TAF4B: variants seen among roughly 807,000 people sequenced by gnomAD.
TAF4B encodes transcription initiation factor TFIID subunit 4B.
In TAF4B, 38 loss-of-function variants were observed where a neutral mutation model predicts 86.4. The observed-to-expected ratio is 0.44, with a 90% CI of 0.34 to 0.58. The LOEUF is 0.58. Among genes scored for constraint, TAF4B ranks in the 20% least tolerant of loss-of-function variants. TAF4B has a pLI of 0.02. For synonymous variants in TAF4B, 388 were observed against 391.2 expected (o/e 0.99, Z 0.10); for missense variants, 988 against 1,027.6 (o/e 0.96, Z 0.53).
chr18:26,310,410 A>G (rs535754507), intron 9 of TAF4B, among the ~76,000 whole-genome samples: 23 of 152,292 alleles, frequency 1.5e-4, no homozygotes, highest in Admixed American at 1.4e-3. Context: ...GTACTGCAGT[A>G]TGCTACGCTA....
intron 9 of TAF4B, among the ~76,000 whole-genome samples, chr18:26,313,888 G>A (rs893138673): frequency 1.3e-5 from 2 of 151,766 alleles, no homozygotes; most frequent in East Asian, 1.9e-4. Context: ...GGCTGATCTC[G>A]AACTCCTCAC....
rs189134868 is a variant in TAF4B at position 26,336,081 on chromosome 18, C to T, written c.2316+850C>T. Among the ~76,000 whole-genome samples, 305 of 152,018 alleles carry T rather than the reference C, an allele frequency of 2.0e-3. 2 individuals are homozygous for T. The highest frequency in any genetic ancestry group is 7.1e-3 in the African/African-American group (295 of 41,526). On this transcript the variant is annotated intron_variant, in intron 13 of 14. Transcript: ENST00000269142. ...CTTGACCTACAGATTCTTTTCCCTC[C>T]TGAATAAATCATCAAGCCTGTTCAC...
chr18:26,256,333 T>TC, intron 1 of TAF4B: 1 of 1,451,862 alleles, frequency 6.9e-7, no homozygotes, highest in Non-Finnish European at 9.7e-7. Flanking sequence ...CTTCGGTACA[T>TC]CTTTGGCGTG....
At chr18:26,329,821 T>C (rs1408551270) in intron 12 of TAF4B, among the ~76,000 whole-genome samples, 3 of 152,192 alleles carry the variant, frequency 2.0e-5, no homozygotes, top group Non-Finnish European at 4.4e-5. Flanking sequence ...TTTTATTTTT[T>C]TGAGACAGGG....
At chr18:26,365,152 G>A (rs948531436) in intron 14 of TAF4B, among the ~76,000 whole-genome samples, 18 of 151,718 alleles carry the variant, frequency 1.2e-4, no homozygotes, top group Non-Finnish European at 2.5e-4. Flanking sequence ...AACTACAGGC[G>A]CATGCCACCA....
intron 13 of TAF4B, among the ~76,000 whole-genome samples, chr18:26,351,828 G>A (rs2057248262): frequency 1.3e-5 from 2 of 152,190 alleles, no homozygotes; most frequent in Middle Eastern, 6.8e-3. Flanking sequence ...GCATGGATTA[G>A]AAAAATTAAC....
intron 13 of TAF4B, among the ~76,000 whole-genome samples, chr18:26,354,844 C>T (rs547953274): frequency 1.4e-4 from 21 of 152,252 alleles, no homozygotes; most frequent in African/African-American, 4.8e-4. Flanking sequence ...ATGATTCTTC[C>T]AATTTTGTCC....
At chr18:26,282,996 CT>C (rs2056468513) in intron 6 of TAF4B, among the ~76,000 whole-genome samples, 1 of 152,218 alleles carries the variant, frequency 6.6e-6, no homozygotes, top group Admixed American at 6.5e-5. Context: ...CCACTTTCAA[CT>C]GTGGTTCTCT....
chr18:26,336,035 G>A (rs1287710417), intron 13 of TAF4B, among the ~76,000 whole-genome samples: 2 of 152,052 alleles, frequency 1.3e-5, no homozygotes, highest in South Asian at 2.1e-4. Flanking sequence ...GTGTGTATGG[G>A]TGTGTGTGTG....
chr18:26,389,502 T>C (rs566206879), intron 14 of TAF4B, among the ~76,000 whole-genome samples: 2 of 152,224 alleles, frequency 1.3e-5, no homozygotes, highest in Non-Finnish European at 2.9e-5. Flanking sequence ...TAAACAAGTC[T>C]TTCACTCTCA....
intron 12 of TAF4B, among the ~76,000 whole-genome samples, chr18:26,334,724 G>T (rs1243151694): frequency 6.6e-6 from 1 of 152,102 alleles, no homozygotes; most frequent in Non-Finnish European, 1.5e-5. Context: ...GAGAGATTTG[G>T]TTCAAGGTTA....
At chr18:26,319,040 A>G (rs2056937237) in intron 10 of TAF4B, among the ~76,000 whole-genome samples, 1 of 152,046 alleles carries the variant, frequency 6.6e-6, no homozygotes, top group African/African-American at 2.4e-5. Flanking sequence ...CAAAAATTTA[A>G]AAAAGTAGTT....
chr18:26,268,364 C>G (rs751758991), intron 3 of TAF4B, among the ~76,000 whole-genome samples: 1 of 152,138 alleles, frequency 6.6e-6, no homozygotes, highest in African/African-American at 2.4e-5. Flanking sequence ...ATACGATGAA[C>G]TACAGTCCCC....
In TAF4B at chr18:26,318,056, G is replaced by A. The variant is rs138118939; in HGVS notation, c.2002+2658G>A. Among the ~76,000 whole-genome samples, 63 of 152,302 alleles carry A rather than the reference G, an allele frequency of 4.1e-4. No individual in the cohort carries two copies. The East Asian group carries it at 0.012, about 29-fold the overall frequency. ...TTAAAAAAATATTTATTTTTGGGAT[G>A]TGGTCTTGCTCTGTTGCCCAGGCTG... On this transcript the variant is annotated intron_variant, in intron 10 of 14. Transcript: ENST00000269142.
intron 1 of TAF4B, among the ~76,000 whole-genome samples, chr18:26,258,292 A>G (rs111609874): frequency 1.3e-5 from 2 of 151,382 alleles, no homozygotes; most frequent in African/African-American, 4.9e-5. Flanking sequence ...GAGCAAGGAC[A>G]TGTTTATGTC....
chr18:26,308,015 G>A (rs757562405), intron 9 of TAF4B, among the ~76,000 whole-genome samples: 3 of 151,970 alleles, frequency 2.0e-5, no homozygotes, highest in Non-Finnish European at 4.4e-5. Flanking sequence ...GGCTGAGGCA[G>A]GGAGAATTGC....
chr18:26,265,322 T>C lies in TAF4B; in HGVS notation c.489+7T>C, dbSNP rs752914461. The C allele has an allele frequency of 6.3e-7, 1 of 1,583,022 alleles. No homozygotes were observed. Among genetic ancestry groups the C allele is most frequent in the Admixed American group, 2.0e-5 (1 of 51,206 alleles). ...CAAAATCTGTACAGTGCCGGTAATATACCTTAAATATTTTTCATCTTTCTT... is the reference window on the plus strand; with the variant it reads ...CAAAATCTGTACAGTGCCGGTAATACACCTTAAATATTTTTCATCTTTCTT... On this transcript the variant is annotated splice_region_variant and intron_variant, in intron 2 of 14. Transcript: ENST00000269142.
At chr18:26,333,663 A>G (rs2057069071) in intron 12 of TAF4B, among the ~76,000 whole-genome samples, 1 of 152,224 alleles carries the variant, frequency 6.6e-6, no homozygotes, top group Admixed American at 6.5e-5. Flanking sequence ...TACTGGGATT[A>G]CAGGTGTGAG....
In TAF4B at chr18:26,315,378, A is replaced by G; in HGVS notation, c.1982A>G (p.Gln661Arg). ...CCATTTCTTTTTATTGGAGCTCTAC[A>G]AAAGAGAATTTTAGACATTGGTAAG... ...DEPFLFIGALQKRILDIGKKH... is the reference protein window; with the variant it reads ...DEPFLFIGALRKRILDIGKKH... Residue 661 changes from glutamine (Q) to arginine (R), a missense_variant, in exon 10 of 15, where the codon CAA becomes CGA. Physicochemically the swap from Gln to Arg is conservative, Grantham distance 43. This residue lies in a region of TAF4B where 216 missense variants were observed against 238.4 expected (regional missense o/e 0.91). Transcript: ENST00000269142. 1.2e-6 allele frequency: 2 copies of G among 1,612,720 alleles called. No individual in the cohort carries two copies. Among genetic ancestry groups the G allele is most frequent in the East Asian group, 2.2e-5 (1 of 44,816 alleles).
Sources: gnomAD v4.1 joint callset for allele counts (sites outside exome capture counted in the v4.1 genomes callset) on GRCh38, gnomAD v4.1.1 for gene constraint, gnomAD v4.1.1 regional missense constraint, MANE v1.5 for transcripts, NCBI Gene and HGNC (gene_info 2026-07-23, HGNC 2026-07-21) for gene names.